PTPRT: variants seen among roughly 807,000 people sequenced by gnomAD.
PTPRT encodes the protein protein tyrosine phosphatase receptor type T, also known as receptor-type tyrosine-protein phosphatase T.
PTPRT carries 56 observed loss-of-function variants against 176.8 expected under a neutral mutation model. The ratio of observed to expected loss-of-function variants is 0.32; its 90% CI spans 0.26 to 0.40. The LOEUF (loss-of-function observed/expected upper bound fraction) is 0.40. Ranked by LOEUF, PTPRT falls within the 10% of genes least tolerant of loss-of-function variation. The pLI, the probability that PTPRT is intolerant of heterozygous loss-of-function variation, is 1.00. For missense variants in PTPRT, 1,540 were observed against 1,908.2 expected (o/e 0.81, Z 3.60); for synonymous variants, 783 against 739.0 (o/e 1.06, Z -0.96).
At chr20:42,549,458 AGAG>A (rs1424776767) in intron 7 of PTPRT, among the ~76,000 whole-genome samples, 4 of 152,140 alleles carry the variant, frequency 2.6e-5, no homozygotes, top group Non-Finnish European at 5.9e-5. Flanking sequence ...ACACGGGAGC[AGAG>A]AAGAAGGAGA....
chr20:42,277,495 C>T (rs571041550), intron 13 of PTPRT, among the ~76,000 whole-genome samples: 3 of 152,184 alleles, frequency 2.0e-5, no homozygotes, highest in African/African-American at 4.8e-5. Flanking sequence ...CATGCACCTT[C>T]CTGACCCTAA....
intron 7 of PTPRT, among the ~76,000 whole-genome samples, chr20:42,491,232 T>A (rs1198926406): frequency 1.3e-5 from 2 of 152,170 alleles, no homozygotes; most frequent in Non-Finnish European, 2.9e-5. Context: ...TGTATTCTTA[T>A]CTGATTTTTC....
Position 43,068,539 on chromosome 20 carries a change from G to A in PTPRT, c.88+121107C>T, listed in dbSNP as rs927310738. ...AAAAAAAAAAAGCCAATTAGGGAAGGGGAGCTCAGTTTGGGACACACTGAG... is the reference window on the plus strand; with the variant it reads ...AAAAAAAAAAAGCCAATTAGGGAAGAGGAGCTCAGTTTGGGACACACTGAG... On this transcript the variant is annotated intron_variant, in intron 1 of 30. Transcript: ENST00000373187. Among the ~76,000 whole-genome samples, 22 of 151,578 alleles carry A rather than the reference G, an allele frequency of 1.5e-4. No individual in the cohort carries two copies. In the South Asian group the frequency reaches 2.1e-3, roughly 14 times the overall value.
At chr20:42,457,208 C>T (rs1205470795) in intron 8 of PTPRT, among the ~76,000 whole-genome samples, 1 of 152,058 alleles carries the variant, frequency 6.6e-6, no homozygotes, top group Non-Finnish European at 1.5e-5. Context: ...ACTCCTTAAG[C>T]ACATATCCCT....
At chr20:42,081,735 C>G in intron 30 of PTPRT, 147 bp downstream of exon 30, 2 of 1,065,948 alleles carry the variant, frequency 1.9e-6, no homozygotes, top group South Asian at 1.5e-5. Context: ...AGACACAGGA[C>G]AGACAACAGT....
In PTPRT at chr20:42,879,542, T is replaced by A. The variant is rs559890084; in HGVS notation, c.214+6265A>T. On this transcript the variant is annotated intron_variant, in intron 2 of 30. Transcript: ENST00000373187. The stretch of plus-strand genomic sequence containing the variant: ...CAATTAAGTGTGACATTTACAGATA[T>A]CAGGGGTTAGGACTTCAACTTATCT... Among the ~76,000 whole-genome samples the A allele has an allele frequency of 5.8e-4, 89 of 152,314 alleles. No homozygotes were observed. In the Middle Eastern group the frequency reaches 0.014, roughly 23 times the overall value.
At chr20:42,062,644 T>A in the PTPRT span, among the ~76,000 whole-genome samples, 61 of 152,346 alleles carry the variant, frequency 4.0e-4, no homozygotes, top group Non-Finnish European at 6.8e-4. Flanking sequence ...ACAAATGGCC[T>A]GATTTCTTGC....
chr20:42,936,370 G>A (rs1440596641), intron 1 of PTPRT, among the ~76,000 whole-genome samples: 4 of 152,258 alleles, frequency 2.6e-5, no homozygotes, highest in African/African-American at 7.2e-5. Context: ...CTTGGGACAG[G>A]AGAATGAAGC....
At chr20:42,108,758 T>TTACTA (rs1337345382) in intron 23 of PTPRT, among the ~76,000 whole-genome samples, 1 of 152,146 alleles carries the variant, frequency 6.6e-6, no homozygotes, top group Non-Finnish European at 1.5e-5. Flanking sequence ...ATTAGAGTGC[T>TTACTA]TACTATATGT....
chr20:42,493,361 GT>G (rs923086305), intron 7 of PTPRT, among the ~76,000 whole-genome samples: 104 of 151,236 alleles, frequency 6.9e-4, no homozygotes, highest in Middle Eastern at 3.4e-3. Context: ...ACTTTGAGGG[GT>G]TTTTTTTTAA....
intron 2 of PTPRT, among the ~76,000 whole-genome samples, chr20:42,794,866 T>G (rs1600749358): frequency 7.9e-5 from 8 of 100,724 alleles, no homozygotes; most frequent in African/African-American, 1.2e-4. Flanking sequence ...GTCTTGGGGG[T>G]GGGGGGTGGG....
In PTPRT at chr20:42,211,303, A is replaced by C. The variant is rs1224059248; in HGVS notation, c.2343-11915T>G. 1.6e-3 allele frequency among the ~76,000 whole-genome samples: 245 copies of C among 151,074 alleles called. 1 individual carries two copies. The highest frequency in any genetic ancestry group is 5.7e-3 in the African/African-American group (235 of 41,000). On this transcript the variant is annotated intron_variant, in intron 15 of 30. Transcript: ENST00000373187. ...AAGACAAAATTGACAAATGGGATCT[A>C]ATTAAACTAAAGAGCTTCTGCACAG... is the stretch of plus-strand genomic sequence containing the variant.
At chr20:42,108,165 C>T (rs1475251718) in intron 23 of PTPRT, among the ~76,000 whole-genome samples, 8 of 152,154 alleles carry the variant, frequency 5.3e-5, no homozygotes, top group Non-Finnish European at 1.2e-4. Flanking sequence ...ACCAAGTTGC[C>T]TAGTGTCCGT....
At chr20:43,039,544 C>T (rs1986521772) in intron 1 of PTPRT, among the ~76,000 whole-genome samples, 1 of 151,676 alleles carries the variant, frequency 6.6e-6, no homozygotes, top group Non-Finnish European at 1.5e-5. Flanking sequence ...CTGATGATGC[C>T]ATGAAGATGA....
chr20:43,130,856 C>A (rs1363181523), intron 1 of PTPRT, among the ~76,000 whole-genome samples: 1 of 148,390 alleles, frequency 6.7e-6, no homozygotes, highest in Non-Finnish European at 1.5e-5. Context: ...GTACTAAAAG[C>A]AATATCTTTT....
At chr20:42,254,442 G>A (rs1161318347) in intron 13 of PTPRT, among the ~76,000 whole-genome samples, 1 of 152,180 alleles carries the variant, frequency 6.6e-6, no homozygotes, top group Non-Finnish European at 1.5e-5. Flanking sequence ...GATGCACAAT[G>A]TTCCAGAGAT....
At position 42,742,490 on chromosome 20, in the gene PTPRT, C is replaced by T. The variant is rs116960466; in HGVS notation, c.859+13972G>A. On this transcript the variant is annotated intron_variant, in intron 6 of 30. Transcript: ENST00000373187. ...CATAGTCATTCAGGGACCCAGGCTC[C>T]GATCTGGAGCTGCTGCCTGACTTAA... 9.9e-4 allele frequency among the ~76,000 whole-genome samples: 150 copies of T among 152,274 alleles called. No individual in the cohort carries two copies. The East Asian group carries it at 0.026, about 26-fold the overall frequency.
intron 27 of PTPRT, 75 bp from the exon 28 acceptor site, chr20:42,085,928 C>T (rs1248714269): frequency 1.4e-6 from 2 of 1,431,362 alleles, no homozygotes; most frequent in Admixed American, 2.3e-5. Flanking sequence ...TATCAACAAG[C>T]TTTTCTTTTC....
intron 1 of PTPRT, among the ~76,000 whole-genome samples, chr20:42,959,375 C>T (rs534395810): frequency 2.3e-4 from 35 of 152,150 alleles, no homozygotes; most frequent in African/African-American, 6.5e-4. Context: ...CTAAACTAAG[C>T]GGAATATCTC....
Sources: gnomAD v4.1 joint callset for allele counts (sites outside exome capture counted in the v4.1 genomes callset) on GRCh38, gnomAD v4.1.1 for gene constraint, MANE v1.5 for transcripts, NCBI Gene and HGNC (gene_info 2026-07-23, HGNC 2026-07-21) for gene names.